Variants in PACRG observed in about 807,000 individuals in gnomAD.
PACRG encodes parkin coregulated.
Under a neutral mutation model 29.7 loss-of-function variants are expected in PACRG, and 29 were observed. That is an observed-to-expected ratio of 0.98 (90% CI 0.73 to 1.33). The LOEUF (loss-of-function observed/expected upper bound fraction) is 1.33, where lower values mean the gene tolerates loss of function less well. Ranked by LOEUF, PACRG falls within the 40% of genes most tolerant of loss-of-function variation. PACRG has a pLI of 0.00. For missense variants in PACRG, 279 were observed against 316.2 expected (o/e 0.88, Z 0.89); for synonymous variants, 116 against 118.7 (o/e 0.98, Z 0.15).
chr6:162,799,104 A>G (rs1005360533), intron 1 of PACRG, among the ~76,000 whole-genome samples: 3 of 152,244 alleles, frequency 2.0e-5, no homozygotes, highest in Non-Finnish European at 4.4e-5. Flanking sequence ...GAGAGTGGTC[A>G]GGAGTTCAAT....
At chr6:163,044,310 G>A (rs964321482) in intron 2 of PACRG, among the ~76,000 whole-genome samples, 38 of 151,962 alleles carry the variant, frequency 2.5e-4, no homozygotes, top group African/African-American at 8.7e-4. Context: ...TGGGACCACA[G>A]GTGCATATCA....
At position 163,093,646 on chromosome 6, in the gene PACRG, T is replaced by C. The variant is rs77931045; in HGVS notation, c.613+4238T>C. Among the ~76,000 whole-genome samples, 775 of 152,344 alleles carry C rather than the reference T, an allele frequency of 5.1e-3. 14 individuals carry two copies. In the East Asian group the frequency reaches 0.065, roughly 13 times the overall value. ...TCATTTCTAACAGTACCAATAGTTC[T>C]GAAACAATCCCTACCTAAAAGATTT... On this transcript the variant is annotated intron_variant, in intron 4 of 4. Coordinates refer to ENST00000366888, the MANE Select transcript of PACRG (RefSeq NM_001080379.2).
At chr6:162,811,657 A>C (rs1396647881) in intron 1 of PACRG, among the ~76,000 whole-genome samples, 1 of 152,150 alleles carries the variant, frequency 6.6e-6, no homozygotes, top group Non-Finnish European at 1.5e-5. Context: ...ATCTACAAAA[A>C]ATTTTGCAAC....
At chr6:162,947,647 T>C (rs1262153521) in intron 2 of PACRG, among the ~76,000 whole-genome samples, 7 of 56,610 alleles carry the variant, frequency 1.2e-4, no homozygotes, top group South Asian at 6.5e-4. Context: ...TATATATATA[T>C]ACACCCAAAG....
At chr6:163,043,659 A>G (rs1201642655) in intron 2 of PACRG, among the ~76,000 whole-genome samples, 1 of 152,232 alleles carries the variant, frequency 6.6e-6, no homozygotes, top group African/African-American at 2.4e-5. Flanking sequence ...TGACAGGAGA[A>G]GGAATTATAT....
At chr6:163,031,681 C>G (rs954692418) in intron 2 of PACRG, among the ~76,000 whole-genome samples, 8 of 152,196 alleles carry the variant, frequency 5.3e-5, no homozygotes, top group Admixed American at 3.9e-4. Flanking sequence ...TGATGGAACT[C>G]TATTCCATAG....
At chr6:162,934,001 C>T (rs921726772) in intron 2 of PACRG, among the ~76,000 whole-genome samples, 4 of 152,104 alleles carry the variant, frequency 2.6e-5, no homozygotes, top group African/African-American at 4.8e-5. Context: ...CGGTGGCTCA[C>T]GCCTGTAATC....
chr6:163,162,366 C>T (rs373798499), intron 4 of PACRG, among the ~76,000 whole-genome samples: 2 of 152,198 alleles, frequency 1.3e-5, no homozygotes, highest in Non-Finnish European at 2.9e-5. Context: ...TCACGCGGGA[C>T]GTTTTAAAAG....
intron 2 of PACRG, among the ~76,000 whole-genome samples, chr6:162,880,733 C>T (rs982979496): frequency 3.3e-5 from 5 of 152,162 alleles, no homozygotes; most frequent in Admixed American, 2.0e-4. Context: ...GTGCCTCATA[C>T]GTATTACAAA....
chr6:163,151,618 T>C (rs1296721187), intron 4 of PACRG, among the ~76,000 whole-genome samples: 1 of 152,246 alleles, frequency 6.6e-6, no homozygotes. Flanking sequence ...ATGGTTTGCT[T>C]ATTCCAGATA....
At chr6:163,093,379 C>T (rs1562908016) in intron 4 of PACRG, among the ~76,000 whole-genome samples, 4 of 152,248 alleles carry the variant, frequency 2.6e-5, no homozygotes, top group Admixed American at 2.0e-4. Context: ...ATTTGTCATA[C>T]AGCCAATAGC....
chr6:162,838,445 G>C (rs973240347), intron 2 of PACRG, among the ~76,000 whole-genome samples: 5 of 152,032 alleles, frequency 3.3e-5, no homozygotes, highest in Admixed American at 6.6e-5. Context: ...ACTTTTTGTT[G>C]ATCGGAAATC....
At chr6:162,771,069 C>A (rs1783180035) in intron 1 of PACRG, among the ~76,000 whole-genome samples, 1 of 151,886 alleles carries the variant, frequency 6.6e-6, no homozygotes, top group South Asian at 2.1e-4. Flanking sequence ...CATTAGTATT[C>A]TTAATATTCA....
chr6:162,798,528 C>A (rs890206563), intron 1 of PACRG, among the ~76,000 whole-genome samples: 1 of 152,078 alleles, frequency 6.6e-6, no homozygotes, highest in Admixed American at 6.6e-5. Flanking sequence ...GCAAGTGAGG[C>A]TTATGGTTCC....
chr6:163,046,417 A>G (rs1809393058), intron 2 of PACRG, among the ~76,000 whole-genome samples: 1 of 149,534 alleles, frequency 6.7e-6, no homozygotes. Flanking sequence ...GAGAATAGAA[A>G]GGGAATTAAT....
intron 4 of PACRG, among the ~76,000 whole-genome samples, chr6:163,231,940 C>T (rs940858906): frequency 1.2e-4 from 19 of 152,202 alleles, no homozygotes; most frequent in African/African-American, 4.6e-4. Flanking sequence ...GCTGGCACTA[C>T]GTTGGTATTT....
intron 2 of PACRG, among the ~76,000 whole-genome samples, chr6:162,822,248 G>A (rs1019041906): frequency 6.6e-6 from 1 of 152,164 alleles, no homozygotes; most frequent in Non-Finnish European, 1.5e-5. Flanking sequence ...TTGGAAAGGA[G>A]ATACCCAAAC....
At chr6:163,240,691 A>G (rs966448034) in intron 4 of PACRG, among the ~76,000 whole-genome samples, 1 of 152,162 alleles carries the variant, frequency 6.6e-6, no homozygotes, top group Non-Finnish European at 1.5e-5. Flanking sequence ...CTTCAGCTGT[A>G]GAGTCATTAA....
chr6:163,025,722 G>A lies in PACRG; in HGVS notation c.292-36428G>A, dbSNP rs76228135. Among the ~76,000 whole-genome samples the A allele has an allele frequency of 7.1e-3, 1,085 of 152,354 alleles. 9 individuals are homozygous for A. The highest frequency in any genetic ancestry group is 0.024 in the African/African-American group (1,011 of 41,578). On this transcript the variant is annotated intron_variant, in intron 2 of 4. Coordinates refer to ENST00000366888, the MANE Select transcript of PACRG (RefSeq NM_001080379.2). ...GATTTGCATGGAAAAGAACCAGAAG[G>A]TGCTGAGGGGCTGTGGTTCCCAACA...
Sources: gnomAD v4.1 joint callset for allele counts (sites outside exome capture counted in the v4.1 genomes callset) on GRCh38, gnomAD v4.1.1 for gene constraint, MANE v1.5 for transcripts, NCBI Gene and HGNC (gene_info 2026-07-23, HGNC 2026-07-21) for gene names.